Variants in LARP1B observed in about 807,000 individuals in gnomAD.
The protein encoded by LARP1B is la-related protein 1B.
A neutral mutation model predicts 114.2 loss-of-function variants in LARP1B; 76 were observed. That is an observed-to-expected ratio of 0.67 (90% CI 0.55 to 0.81). The LOEUF (loss-of-function observed/expected upper bound fraction) is 0.81, where lower values mean the gene tolerates loss of function less well. LARP1B is among the 30% of genes least tolerant of loss of function. The pLI is 0.00. For synonymous variants in LARP1B, 345 were observed against 348.0 expected, an observed-to-expected ratio of 0.99 and a Z score of 0.10; for missense variants, 1,014 against 1,075.8, an observed-to-expected ratio of 0.94 and a Z score of 0.80.
intron 10 of LARP1B, among the ~76,000 whole-genome samples, chr4:128,118,482 C>T (rs1211735294): frequency 6.6e-5 from 10 of 151,504 alleles, no homozygotes; most frequent in African/African-American, 1.9e-4. Flanking sequence ...GTGATCCGCC[C>T]GCCTCAGCCT....
At chr4:128,074,908 C>G in intron 2 of LARP1B, 26 bp from the exon 3 acceptor site, 1 of 1,504,982 alleles carries the variant, frequency 6.6e-7, no homozygotes, top group Non-Finnish European at 9.1e-7. Flanking sequence ...TAATTTCAGA[C>G]CTAACACTTA....
intron 15 of LARP1B, among the ~76,000 whole-genome samples, chr4:128,184,746 A>C (rs962384647): frequency 6.6e-6 from 1 of 152,018 alleles, no homozygotes; most frequent in African/African-American, 2.4e-5. Flanking sequence ...CCTTCCCCCT[A>C]CCCATTCTAG....
At chr4:128,152,476 A>G (rs1272016567) in intron 11 of LARP1B, among the ~76,000 whole-genome samples, 1 of 152,062 alleles carries the variant, frequency 6.6e-6, no homozygotes, top group African/African-American at 2.4e-5. Flanking sequence ...TGCTGAGATT[A>G]CAGGTGTGAG....
chr4:128,081,225 T>C (rs1381142837), intron 4 of LARP1B, among the ~76,000 whole-genome samples: 1 of 151,632 alleles, frequency 6.6e-6, no homozygotes, highest in African/African-American at 2.4e-5. Context: ...ACTACAGGCA[T>C]GTGCCACCAT....
At chr4:128,066,562 C>T (rs1333720102) in intron 1 of LARP1B, among the ~76,000 whole-genome samples, 1 of 151,438 alleles carries the variant, frequency 6.6e-6, no homozygotes. Flanking sequence ...ACCGCAACCT[C>T]CACCTCCTGG....
At chr4:128,133,999 AT>A (rs71587365) in intron 11 of LARP1B, among the ~76,000 whole-genome samples, 7,441 of 139,010 alleles carry the variant, frequency 0.054, 593 homozygotes, top group African/African-American at 0.18. Flanking sequence ...GCCCAGCCCA[AT>A]TTTTTTTTTT....
At chr4:128,166,493 G>A (rs1467236432) in intron 12 of LARP1B, among the ~76,000 whole-genome samples, 1 of 151,692 alleles carries the variant, frequency 6.6e-6, no homozygotes, top group African/African-American at 2.4e-5. Flanking sequence ...TGTACAACAT[G>A]ATGTTTTGAT....
intron 11 of LARP1B, among the ~76,000 whole-genome samples, chr4:128,136,904 G>C (rs1725576191): frequency 6.6e-6 from 1 of 152,080 alleles, no homozygotes. Flanking sequence ...ACCTGGTCAA[G>C]CTAGTGATTA....
intron 17 of LARP1B, among the ~76,000 whole-genome samples, chr4:128,204,805 A>G (rs1757099605): frequency 6.6e-6 from 1 of 152,120 alleles, no homozygotes; most frequent in Non-Finnish European, 1.5e-5. Context: ...GCCTGTATCA[A>G]AACATGTCAT....
chr4:128,176,703 A>C (rs974277596), intron 12 of LARP1B, among the ~76,000 whole-genome samples, 169 bp from the exon 13 acceptor site: 1 of 152,228 alleles, frequency 6.6e-6, no homozygotes, highest in Non-Finnish European at 1.5e-5. Flanking sequence ...TATGGTAGGC[A>C]CTAGTATTCG....
At chr4:128,074,819 T>C (rs1237232299) in intron 2 of LARP1B, 115 bp from the exon 3 acceptor site, 8 of 677,292 alleles carry the variant, frequency 1.2e-5, no homozygotes, top group Non-Finnish European at 1.8e-5. Context: ...GATGCCTGCA[T>C]ATAACTGAAT....
At chr4:128,098,434 G>C (rs963525159) in intron 8 of LARP1B, 104 bp downstream of exon 8, 6 of 894,424 alleles carry the variant, frequency 6.7e-6, no homozygotes, top group Admixed American at 2.7e-5. Flanking sequence ...ATCTGTAGTT[G>C]CTTGAGGCTC....
intron 8 of LARP1B, among the ~76,000 whole-genome samples, chr4:128,100,190 G>C (rs1186334677): frequency 6.6e-6 from 1 of 152,138 alleles, no homozygotes; most frequent in Admixed American, 6.5e-5. Flanking sequence ...TCGAACTCCT[G>C]ACTTTCAGGC....
rs1013375673 is a variant in LARP1B, at chr4:128,155,376, G to A, written c.1525-6818G>A. The A allele has an allele frequency of 2.1e-5, 12 of 579,620 alleles. 1 individual carries two copies. The highest frequency in any genetic ancestry group is 1.8e-4 in the Admixed American group (6 of 33,912). 35.9% of individuals were successfully genotyped at this position (579,620 alleles called of 1,614,324 possible). A position where few individuals can be genotyped will look rare whatever the true frequency, so the allele number is the denominator to read the frequency against. On this transcript the variant is annotated intron_variant, in intron 11 of 19. Transcript: ENST00000326639. ...CAGCGGCCGTGGACCACGCGGAGCC[G>A]CCAGCCCGGGGCATGTTCTGAGACT... is the stretch of plus-strand genomic sequence containing the variant.
chr4:128,131,911 C>CAA lies in LARP1B; in HGVS notation c.1524+9724_1524+9725dup, dbSNP rs760598120. Among the ~76,000 whole-genome samples, 262 of 152,240 alleles carry CAA rather than the reference C, an allele frequency of 1.7e-3. 5 individuals are homozygous for CAA. Among genetic ancestry groups the CAA allele is most frequent in the Middle Eastern group, 6.8e-3 (2 of 294 alleles). On this transcript the variant is annotated intron_variant, in intron 11 of 19. Coordinates refer to ENST00000326639, the MANE Select transcript of LARP1B (RefSeq NM_018078.4). Reference sequence around the variant, plus strand: ...ATAATAAAGAAGACAGATATACTGACAAGTGTGAGGAAAGGGAGAAATTGG... The same window carrying CAA: ...ATAATAAAGAAGACAGATATACTGACAAAAGTGTGAGGAAAGGGAGAAATTGG...
At chr4:128,107,992 A>G in intron 9 of LARP1B, 1 of 1,527,862 alleles carries the variant, frequency 6.5e-7, no homozygotes, top group Non-Finnish European at 8.7e-7. Context: ...TCCTGCTGCA[A>G]AAATGAAAGC....
Position 128,083,533 on chromosome 4 carries a change from G to A in LARP1B, c.358+1228G>A, listed in dbSNP as rs1247277278. Among the ~76,000 whole-genome samples the A allele has an allele frequency of 4.0e-5, 6 of 149,284 alleles. No homozygotes were observed. In the South Asian group the frequency reaches 8.5e-4, roughly 21 times the overall value. Reference sequence around the variant, plus strand: ...CCAGTAGGGGCGGCCGGGCAGAGGCGCCCCTCACCTCCCGGACGGGGCGGC... The same window carrying A: ...CCAGTAGGGGCGGCCGGGCAGAGGCACCCCTCACCTCCCGGACGGGGCGGC... On this transcript the variant is annotated intron_variant, in intron 5 of 19. Transcript: ENST00000326639.
At chr4:128,214,313 G>T (rs1310701485), downstream of LARP1B, among the ~76,000 whole-genome samples, 1 of 148,812 alleles carries the variant, frequency 6.7e-6, no homozygotes, top group African/African-American at 2.5e-5. Context: ...AGCTCAAGGA[G>T]GCCTGCCTGC....
intron 15 of LARP1B, 86 bp from the exon 16 acceptor site, chr4:128,199,353 A>C: frequency 9.1e-7 from 1 of 1,101,114 alleles, no homozygotes; most frequent in South Asian, 2.7e-5. Context: ...TTAGACCCCC[A>C]ATAATGAAAA....
Sources: allele counts gnomAD v4.1 joint callset (sites outside exome capture counted in the v4.1 genomes callset), GRCh38; gene constraint gnomAD v4.1.1; transcripts MANE v1.5; gene names NCBI Gene and HGNC (gene_info 2026-07-23, HGNC 2026-07-21).